Variants in CNTFR observed in about 807,000 individuals in gnomAD.
CNTFR encodes the protein ciliary neurotrophic factor receptor subunit alpha.
A neutral mutation model predicts 40.4 loss-of-function variants in CNTFR; 12 were observed. The ratio of observed to expected loss-of-function variants is 0.30; its 90% confidence interval spans 0.19 to 0.48. The LOEUF (loss-of-function observed/expected upper bound fraction) is 0.48. Among genes scored for constraint, CNTFR ranks in the 20% least tolerant of loss-of-function variants. The pLI, the probability that CNTFR is intolerant of heterozygous loss-of-function variation, is 0.99. For missense variants in CNTFR, 414 were observed against 506.8 expected (o/e 0.82, Z 1.76); for synonymous variants, 202 against 209.6 (o/e 0.96, Z 0.31).
At chr9:34,560,054 G>A (rs1334931863) in intron 4 of CNTFR, among the ~76,000 whole-genome samples, 2 of 152,260 alleles carry the variant, frequency 1.3e-5, no homozygotes, top group East Asian at 1.9e-4. Flanking sequence ...CCTGGGCCCT[G>A]AGCAGGGAAG....
chr9:34,579,045 G>A (rs1035467272), intron 2 of CNTFR, among the ~76,000 whole-genome samples: 6 of 152,174 alleles, frequency 3.9e-5, no homozygotes, highest in Admixed American at 6.5e-5. Context: ...GTGCACACCC[G>A]TACACATATA....
chr9:34,567,670 G>A (rs572586209), intron 3 of CNTFR, among the ~76,000 whole-genome samples: 1 of 152,250 alleles, frequency 6.6e-6, no homozygotes, highest in East Asian at 1.9e-4. Flanking sequence ...TACATGTGGG[G>A]TACAGTCTCA....
chr9:34,570,676 C>T (rs993013281), intron 2 of CNTFR, among the ~76,000 whole-genome samples: 7 of 152,074 alleles, frequency 4.6e-5, no homozygotes, highest in East Asian at 1.9e-4. Context: ...CCAGAGACAC[C>T]GTTATAAAGA....
At chr9:34,574,586 G>A (rs1166331145) in intron 2 of CNTFR, among the ~76,000 whole-genome samples, 1 of 152,206 alleles carries the variant, frequency 6.6e-6, no homozygotes, top group Non-Finnish European at 1.5e-5. Context: ...GGGGCCAGGA[G>A]GGAGGCAGGG....
In CNTFR at chr9:34,556,252, CA is replaced by C; in HGVS notation, c.768+2del. 1.2e-6 allele frequency: 2 copies of C among 1,609,688 alleles called. No individual in the cohort carries two copies. Among genetic ancestry groups the C allele is most frequent in the Non-Finnish European group, 1.7e-6 (2 of 1,178,702 alleles). On this transcript the variant is annotated splice_donor_variant, in intron 7 of 9. Coordinates refer to ENST00000378980, the MANE Select transcript of CNTFR (RefSeq NM_147164.3). LOFTEE classifies it high-confidence loss of function. ...CAGGATCTTGGCCGGGCAGGGCACT[CA>C]CATGCTGCCACTGGTCCAGGATGAG... is the stretch of plus-strand genomic sequence containing the variant.
At chr9:34,573,390 T>G (rs1826778369) in intron 2 of CNTFR, among the ~76,000 whole-genome samples, 2 of 152,134 alleles carry the variant, frequency 1.3e-5, no homozygotes, top group Non-Finnish European at 2.9e-5. Context: ...GTTGCGCACT[T>G]CAGGGTTTGG....
At chr9:34,580,609 A>G (rs1279551659) in intron 2 of CNTFR, among the ~76,000 whole-genome samples, 3 of 151,624 alleles carry the variant, frequency 2.0e-5, no homozygotes, top group African/African-American at 7.3e-5. Flanking sequence ...GGATGCCCCC[A>G]CCCCCAAGCT....
In CNTFR at chr9:34,556,420, TG is replaced by T; in HGVS notation, c.605-3del. 1.2e-6 allele frequency: 2 copies of T among 1,600,824 alleles called. No individual in the cohort carries two copies. The highest frequency in any genetic ancestry group is 4.5e-5 in the East Asian group (2 of 44,686). On this transcript the variant is annotated splice_region_variant and splice_polypyrimidine_tract_variant and intron_variant, in intron 6 of 9. Coordinates refer to ENST00000378980, the MANE Select transcript of CNTFR (RefSeq NM_147164.3). ...CATTTTCTGGAGGATCAGGCTTCAC[TG>T]TTCAGGAGACATAGCTTCATTACTA...
intron 2 of CNTFR, among the ~76,000 whole-genome samples, chr9:34,574,611 G>C (rs1826860473): frequency 6.6e-6 from 1 of 152,216 alleles, no homozygotes. Context: ...TGGTCCCCCA[G>C]CTCTCGACGC....
chr9:34,583,216 A>G (rs1587176515), intron 1 of CNTFR, among the ~76,000 whole-genome samples: 1 of 152,166 alleles, frequency 6.6e-6, no homozygotes, highest in Non-Finnish European at 1.5e-5. Context: ...TCCCAATTTG[A>G]GGAGGGATAC....
At chr9:34,583,965 C>T (rs1257432044) in intron 1 of CNTFR, among the ~76,000 whole-genome samples, 1 of 152,164 alleles carries the variant, frequency 6.6e-6, no homozygotes, top group African/African-American at 2.4e-5. Context: ...TACGCAAAGA[C>T]CTGGGATTTA....
chr9:34,586,887 C>T (rs1827569649), intron 1 of CNTFR, among the ~76,000 whole-genome samples: 2 of 152,216 alleles, frequency 1.3e-5, no homozygotes, highest in South Asian at 4.1e-4. Context: ...CTGTTCTTCA[C>T]TTCAAGTGCC....
rs1448368118 is a variant in CNTFR at position 34,552,943 on chromosome 9, G to A, written c.769-89C>T. 3.0e-6 allele frequency: 4 copies of A among 1,333,888 alleles called. No individual in the cohort carries two copies. Among genetic ancestry groups the A allele is most frequent in the Admixed American group, 2.1e-5 (1 of 47,476 alleles). The allele number at this position is 1,333,888 out of a possible 1,614,324, so 82.6% of individuals were successfully genotyped here. A position where few individuals can be genotyped will look rare whatever the true frequency, so the allele number is the denominator to read the frequency against. On this transcript the variant is annotated intron_variant, in intron 7 of 9. Coordinates refer to ENST00000378980, the MANE Select transcript of CNTFR (RefSeq NM_147164.3). The surrounding 1 kb of genome is among the most constrained non-coding windows in gnomAD (Gnocchi z 5.1). Reference sequence around the variant, plus strand: ...CAGAGGAAGTGAGCATGCCTCTGAGGAGAGGAGAGTAAAGGGCTCTGGGGG... The same window carrying A: ...CAGAGGAAGTGAGCATGCCTCTGAGAAGAGGAGAGTAAAGGGCTCTGGGGG...
intron 1 of CNTFR, among the ~76,000 whole-genome samples, chr9:34,584,780 A>ATGACCTC (rs58374174): frequency 0.25 from 37,409 of 151,886 alleles, 4,685 homozygotes; most frequent in African/African-American, 0.27. Context: ...AAGGGGCAGG[A>ATGACCTC]TGACCTCTGA....
intron 1 of CNTFR, among the ~76,000 whole-genome samples, chr9:34,587,558 T>C (rs2132273563): frequency 6.6e-6 from 1 of 152,130 alleles, no homozygotes; most frequent in Non-Finnish European, 1.5e-5. Context: ...GGTCCTAGTG[T>C]GAATCTGAGT....
Position 34,569,044 on chromosome 9 carries a change from A to G in CNTFR, c.1-63T>C, listed in dbSNP as rs1005398728. 27 of 1,443,866 alleles carry G rather than the reference A, an allele frequency of 1.9e-5. No individual in the cohort carries two copies. In the African/African-American group the frequency reaches 3.0e-4, roughly 16 times the overall value. 89.4% of individuals were successfully genotyped at this position (1,443,866 alleles called of 1,614,324 possible). ...CAGCCCAGGCAGGACTGTCCTGGGGAGCCCCTCCTGTTCTCAGGCAAGACT... is the reference window on the plus strand; with the variant it reads ...CAGCCCAGGCAGGACTGTCCTGGGGGGCCCCTCCTGTTCTCAGGCAAGACT... On this transcript the variant is annotated intron_variant, in intron 2 of 9. Coordinates refer to ENST00000378980, the MANE Select transcript of CNTFR (RefSeq NM_147164.3).
At position 34,551,905 on chromosome 9, in the gene CNTFR, T is replaced by TG. The variant is rs1023183707; in HGVS notation, c.*165dup. 1.4e-5 allele frequency: 10 copies of TG among 705,704 alleles called. No homozygotes were observed. The highest frequency in any genetic ancestry group is 2.7e-5 in the East Asian group (1 of 37,224). The allele number at this position is 705,704 out of a possible 1,614,324, so 43.7% of individuals were successfully genotyped here. ...GAGGGCCAGCTTGGTGCGGCAGGGC[T>TG]GGGGGGCGGCAGGCCCGGGCCCGCC... On this transcript the variant is annotated 3_prime_UTR_variant, in exon 10 of 10. Coordinates refer to ENST00000378980, the MANE Select transcript of CNTFR (RefSeq NM_147164.3).
intron 4 of CNTFR, among the ~76,000 whole-genome samples, chr9:34,564,039 G>A (rs1048421357): frequency 2.0e-5 from 3 of 152,082 alleles, no homozygotes; most frequent in African/African-American, 7.3e-5. Context: ...TGAGGCCTAC[G>A]GTCACACCCA....
intron 7 of CNTFR, among the ~76,000 whole-genome samples, chr9:34,555,853 G>A (rs1435427347): frequency 2.0e-5 from 3 of 151,454 alleles, no homozygotes; most frequent in African/African-American, 4.9e-5. Context: ...GGCTGAGAGC[G>A]AGGTAAGGAA....
Sources: gnomAD v4.1 joint callset for allele counts (sites outside exome capture counted in the v4.1 genomes callset) on GRCh38, gnomAD v4.1.1 for gene constraint, Gnocchi (gnomAD v3.1) non-coding constraint, MANE v1.5 for transcripts, NCBI Gene and HGNC (gene_info 2026-07-23, HGNC 2026-07-21) for gene names.